NLGN4Y: variants seen among roughly 807,000 people sequenced by gnomAD.
NLGN4Y encodes neuroligin-4, Y-linked.
NLGN4Y carries 4 observed loss-of-function variants against 8.4 expected under a neutral mutation model. That is an observed-to-expected ratio of 0.48 (90% CI 0.23 to 1.09). The LOEUF is 1.09. NLGN4Y is among the 50% of genes least tolerant of loss of function. NLGN4Y has a pLI of 0.19. For missense variants in NLGN4Y, 90 were observed against 192.3 expected (o/e 0.47, Z 3.15); for synonymous variants, 35 against 75.6 (o/e 0.46, Z 2.78).
intron 1 of NLGN4Y, among the ~76,000 whole-genome samples, chrY:14,551,791 G>T: frequency 3.0e-5 from 1 of 33,112 alleles, no homozygotes; most frequent in Non-Finnish European, 7.4e-5. Flanking sequence ...GTGTTTAGGT[G>T]GAAATTTATA....
chrY:14,831,548 G>GTA (rs2043179260), intron 6 of NLGN4Y, among the ~76,000 whole-genome samples: 13 of 28,526 alleles, frequency 4.6e-4, no homozygotes, highest in Non-Finnish European at 8.1e-4. Context: ...ATTTGCATTT[G>GTA]TATATATATA....
At chrY:14,557,510 G>C (rs1010694067) in intron 1 of NLGN4Y, among the ~76,000 whole-genome samples, 2 of 33,026 alleles carry the variant, frequency 6.1e-5, no homozygotes, top group East Asian at 1.6e-3. Flanking sequence ...TTACTAGAAC[G>C]GAGATTAACT....
intron 1 of NLGN4Y, among the ~76,000 whole-genome samples, chrY:14,538,874 A>G (rs2080140575): frequency 3.0e-5 from 1 of 33,744 alleles, no homozygotes; most frequent in African/African-American, 1.2e-4. Flanking sequence ...AAACATTGGG[A>G]TTACAGGCGT....
At chrY:14,795,888 A>AG (rs2043006081) in intron 4 of NLGN4Y, among the ~76,000 whole-genome samples, 4 of 32,975 alleles carry the variant, frequency 1.2e-4, no homozygotes, top group Non-Finnish European at 2.2e-4. Flanking sequence ...ATGGTTCTAA[A>AG]GGTCAGAATT....
intron 1 of NLGN4Y, among the ~76,000 whole-genome samples, chrY:14,573,058 T>C (rs2080279211): frequency 3.0e-5 from 1 of 33,285 alleles, no homozygotes. Context: ...TAAAATTCTC[T>C]TTTTTTGTTG....
intron 2 of NLGN4Y, among the ~76,000 whole-genome samples, chrY:14,712,390 T>C (rs9786922): frequency 0.19 from 6,341 of 32,640 alleles, no homozygotes; most frequent in African/African-American, 0.61. Flanking sequence ...GCTAGAGTCT[T>C]TTCTCTCAGT....
At chrY:14,688,392 G>A in intron 2 of NLGN4Y, among the ~76,000 whole-genome samples, 1 of 33,105 alleles carries the variant, frequency 3.0e-5, no homozygotes, top group Non-Finnish European at 7.5e-5. Context: ...AGTCATAGGA[G>A]GACCTGGAAT....
At chrY:14,573,081 G>A in intron 1 of NLGN4Y, among the ~76,000 whole-genome samples, 2 of 33,107 alleles carry the variant, frequency 6.0e-5, no homozygotes, top group Non-Finnish European at 1.5e-4. Context: ...ACTCTGCCAG[G>A]CTTTGTTGTC....
chrY:14,733,739 A>G, intron 4 of NLGN4Y, among the ~76,000 whole-genome samples: 1 of 33,082 alleles, frequency 3.0e-5, no homozygotes, highest in Non-Finnish European at 7.4e-5. Flanking sequence ...GGCAATCTCC[A>G]TTGACTCACT....
At chrY:14,647,778 T>C (rs751591104) in intron 2 of NLGN4Y, among the ~76,000 whole-genome samples, 1 of 34,674 alleles carries the variant, frequency 2.9e-5, no homozygotes, top group African/African-American at 1.1e-4. Flanking sequence ...GTCATTACCA[T>C]GGGATTTAGG....
At chrY:14,575,071 A>G (rs2080291711) in intron 1 of NLGN4Y, among the ~76,000 whole-genome samples, 1 of 32,242 alleles carries the variant, frequency 3.1e-5, no homozygotes, top group Non-Finnish European at 7.5e-5. Flanking sequence ...TGTGTCTTGG[A>G]GTTGCTCTTC....
chrY:14,799,322 A>G, intron 4 of NLGN4Y, among the ~76,000 whole-genome samples: 3 of 33,022 alleles, frequency 9.1e-5, no homozygotes, highest in Non-Finnish European at 2.2e-4. Context: ...AGGTTTAGCC[A>G]CCCCCATCCG....
intron 4 of NLGN4Y, among the ~76,000 whole-genome samples, chrY:14,738,729 GA>G: frequency 3.1e-5 from 1 of 32,095 alleles, no homozygotes; most frequent in African/African-American, 1.2e-4. Context: ...TTGACTGTCA[GA>G]AAAAAACTGA....
intron 4 of NLGN4Y, among the ~76,000 whole-genome samples, chrY:14,771,278 T>G: frequency 3.2e-5 from 1 of 31,688 alleles, no homozygotes; most frequent in Non-Finnish European, 7.7e-5. Context: ...ATGAAGGAAG[T>G]AATGTTAAGG....
At chrY:14,721,504 T>C in intron 3 of NLGN4Y, among the ~76,000 whole-genome samples, 2 of 33,060 alleles carry the variant, frequency 6.0e-5, no homozygotes, top group Non-Finnish European at 1.5e-4. Context: ...AATACTCGGG[T>C]AACTTGACAT....
chrY:14,713,262 C>T (rs2080905203), intron 2 of NLGN4Y, among the ~76,000 whole-genome samples: 1 of 33,373 alleles, frequency 3.0e-5, no homozygotes, highest in Non-Finnish European at 7.4e-5. Flanking sequence ...TATATTCTTG[C>T]TTAGATAACA....
intron 4 of NLGN4Y, among the ~76,000 whole-genome samples, chrY:14,786,228 G>C: frequency 5.9e-5 from 2 of 33,982 alleles, no homozygotes; most frequent in African/African-American, 2.3e-4. Context: ...CCCAGATCTA[G>C]AGTAATATTG....
chrY:14,524,736 A>T, intron 1 of NLGN4Y, 28 bp downstream of exon 1: 1 of 119,780 alleles, frequency 8.3e-6, no homozygotes, highest in Non-Finnish European at 1.8e-5. Context: ...GCAGATGACG[A>T]GTGGGTTGGG....
intron 2 of NLGN4Y, among the ~76,000 whole-genome samples, chrY:14,715,850 G>A: frequency 6.1e-5 from 2 of 32,768 alleles, no homozygotes; most frequent in Admixed American, 5.6e-4. Flanking sequence ...TTGGGTATAA[G>A]TTTGGATTAA....
Sources: allele counts gnomAD v4.1 joint callset (sites outside exome capture counted in the v4.1 genomes callset), GRCh38; gene constraint gnomAD v4.1.1; transcripts MANE v1.5; gene names NCBI Gene and HGNC (gene_info 2026-07-23, HGNC 2026-07-21).